The following ARHGAP8 variants were observed in gnomAD, a reference collection of about 807,000 sequenced individuals.
ARHGAP8 encodes Rho GTPase activating protein 8.
Under a neutral mutation model 46.1 loss-of-function variants are expected in ARHGAP8, and 62 were observed. The ratio of observed to expected loss-of-function variants is 1.34; its 90% CI spans 1.10 to 1.66. ARHGAP8 has a LOEUF of 1.66. Among genes scored for constraint, ARHGAP8 ranks in the 40% most tolerant of loss-of-function variants. The probability of loss-of-function intolerance (pLI) is 0.00; values close to 1 mark genes in which losing one functional copy is unlikely to be tolerated. For synonymous variants in ARHGAP8, 375 were observed against 243.1 expected, an observed-to-expected ratio of 1.54 and a Z score of -5.05; for missense variants, 923 against 568.4, an observed-to-expected ratio of 1.62 and a Z score of -6.34.
At chr22:44,787,042 A>AAAAAAAG (rs1927305412) in intron 2 of ARHGAP8, among the ~76,000 whole-genome samples, 1 of 145,442 alleles carries the variant, frequency 6.9e-6, no homozygotes, top group Non-Finnish European at 1.5e-5. Flanking sequence ...AAAAACAAAA[A>AAAAAAAG]AAAAAAAAAG....
chr22:44,776,564 T>C (rs1346537480), intron 1 of ARHGAP8, among the ~76,000 whole-genome samples: 1 of 152,164 alleles, frequency 6.6e-6, no homozygotes, highest in Non-Finnish European at 1.5e-5. Context: ...CCACCTGCCT[T>C]GTTTGAGAGT....
At chr22:44,815,364 T>G (rs1602216531) in intron 5 of ARHGAP8, among the ~76,000 whole-genome samples, 1 of 151,400 alleles carries the variant, frequency 6.6e-6, no homozygotes, top group African/African-American at 2.5e-5. Flanking sequence ...AGCCACTCGG[T>G]CTCCAGCCCC....
intron 10 of ARHGAP8, among the ~76,000 whole-genome samples, chr22:44,859,398 C>T (rs190772617): frequency 1.4e-3 from 216 of 151,820 alleles, no homozygotes; most frequent in African/African-American, 5.0e-3. Flanking sequence ...TGATGCACCT[C>T]CTTCCTTTTT....
chr22:44,779,880 T>G (rs1293581599), intron 1 of ARHGAP8, among the ~76,000 whole-genome samples: 1 of 152,156 alleles, frequency 6.6e-6, no homozygotes, highest in Non-Finnish European at 1.5e-5. Flanking sequence ...TTTCTTCATT[T>G]TAGACAAAAC....
intron 11 of ARHGAP8, among the ~76,000 whole-genome samples, chr22:44,861,574 G>C (rs1455945685): frequency 4.6e-5 from 7 of 152,166 alleles, no homozygotes; most frequent in Non-Finnish European, 8.8e-5. Context: ...CTCTGCCCTG[G>C]TACTCACCGC....
intron 5 of ARHGAP8, among the ~76,000 whole-genome samples, chr22:44,821,026 A>G (rs1399735481): frequency 6.6e-6 from 1 of 152,204 alleles, no homozygotes; most frequent in African/African-American, 2.4e-5. Flanking sequence ...ATACATGAAT[A>G]CTTATTTCAA....
chr22:44,785,848 C>A (rs1246420928), intron 1 of ARHGAP8, among the ~76,000 whole-genome samples: 2 of 152,192 alleles, frequency 1.3e-5, no homozygotes, highest in Non-Finnish European at 2.9e-5. Context: ...TCAACCCCAG[C>A]CCACCTTGGT....
rs564328035 is a variant in ARHGAP8, at chr22:44,848,807, C to T, written c.749-125C>T. On this transcript the variant is annotated intron_variant, in intron 9 of 11. Coordinates refer to ENST00000356099, the MANE Select transcript of ARHGAP8 (RefSeq NM_181335.3). ...GGTGGGGACAGCATCATCCCTAGGA[C>T]ACATGGCTCCAGCATCAGGTGCGTC... 3.9e-5 allele frequency: 60 copies of T among 1,528,222 alleles called. No homozygotes were observed. The African/African-American group carries it at 7.1e-4, about 18-fold the overall frequency. The allele number at this position is 1,528,222 out of a possible 1,614,324, so 94.7% of individuals were successfully genotyped here. A position where few individuals can be genotyped will look rare whatever the true frequency, so the allele number is the denominator to read the frequency against.
chr22:44,773,682 A>G (rs937490926), intron 1 of ARHGAP8, among the ~76,000 whole-genome samples: 8 of 152,244 alleles, frequency 5.3e-5, no homozygotes, highest in Admixed American at 3.3e-4. Context: ...TCCCAGACTC[A>G]AGTGATTCTC....
chr22:44,794,507 G>A (rs971072839), intron 2 of ARHGAP8, among the ~76,000 whole-genome samples: 44 of 152,058 alleles, frequency 2.9e-4, no homozygotes, highest in African/African-American at 1.0e-3. Flanking sequence ...TCAGGAGTTC[G>A]AGACCAGCCT....
intron 10 of ARHGAP8, among the ~76,000 whole-genome samples, chr22:44,859,280 A>C (rs868297237): frequency 4.6e-5 from 7 of 152,156 alleles, no homozygotes; most frequent in Non-Finnish European, 8.8e-5. Flanking sequence ...ATGAGGGCAG[A>C]TACCTCATGG....
rs916581702 is a variant in ARHGAP8 at position 44,862,690 on chromosome 22, A to G, written c.*95A>G. On this transcript the variant is annotated 3_prime_UTR_variant, in exon 12 of 12. Coordinates refer to ENST00000356099, the MANE Select transcript of ARHGAP8 (RefSeq NM_181335.3). ...TTGGCATCTGTAAAAATAACCAGCCATTAGATGAATTCAGAACCTTCTAAT... is the reference window on the plus strand; with the variant it reads ...TTGGCATCTGTAAAAATAACCAGCCGTTAGATGAATTCAGAACCTTCTAAT... 10 of 1,401,714 alleles carry G rather than the reference A, an allele frequency of 7.1e-6. No homozygotes were observed. The highest frequency in any genetic ancestry group is 2.9e-5 in the African/African-American group (2 of 69,276). The allele number at this position is 1,401,714 out of a possible 1,614,324, so 86.8% of individuals were successfully genotyped here.
At chr22:44,860,878 C>G (rs1206167391) in intron 11 of ARHGAP8, among the ~76,000 whole-genome samples, 1 of 152,162 alleles carries the variant, frequency 6.6e-6, no homozygotes, top group Non-Finnish European at 1.5e-5. Flanking sequence ...GTGAGGAGAG[C>G]CTGAGCAGAG....
intron 11 of ARHGAP8, among the ~76,000 whole-genome samples, chr22:44,861,811 G>A (rs1028737387): frequency 6.6e-6 from 1 of 152,164 alleles, no homozygotes; most frequent in Non-Finnish European, 1.5e-5. Context: ...TGGCGGAGAT[G>A]GACAAGGAGC....
chr22:44,759,973 G>A (rs1182350156), intron 1 of ARHGAP8, among the ~76,000 whole-genome samples: 1 of 152,192 alleles, frequency 6.6e-6, no homozygotes, highest in Non-Finnish European at 1.5e-5. Flanking sequence ...CCTGAGTCTT[G>A]ACCCACAGGA....
intron 4 of ARHGAP8, chr22:44,808,992 AT>A (rs113395729): frequency 4.9e-4 from 197 of 403,342 alleles, no homozygotes; most frequent in Middle Eastern, 1.6e-3. Flanking sequence ...TAATTTTTGT[AT>A]TTTTTTTTGT....
rs756742080 is a variant in ARHGAP8, at chr22:44,825,494, A to C, written c.497A>C (p.Lys166Thr). 1.9e-6 allele frequency: 3 copies of C among 1,613,024 alleles called. No homozygotes were observed. In the South Asian group the frequency reaches 3.3e-5, roughly 18 times the overall value. The part of the protein sequence containing the change: ...IPPEVLRYDE[K>T]LQSLHEGRTP... The stretch of plus-strand genomic sequence containing the variant: ...TGTTGTGTCTACAGGTACGATGAGA[A>C]GCTCCAGAGCCTGCACGAGGGCCGG... The change falls in exon 7 of 12, where the codon AAG (lysine) becomes ACG (threonine). Residue 166 changes from lysine (K) to threonine (T), a missense_variant. Physicochemically the swap from Lys to Thr is moderately conservative, Grantham distance 78 (BLOSUM62 -1). Coordinates refer to ENST00000356099, the MANE Select transcript of ARHGAP8 (RefSeq NM_181335.3).
intron 7 of ARHGAP8, among the ~76,000 whole-genome samples, chr22:44,835,099 C>G (rs534007033): frequency 6.6e-6 from 1 of 152,152 alleles, no homozygotes; most frequent in South Asian, 2.1e-4. Flanking sequence ...AGTGTGATTA[C>G]TGGAGTTACA....
chr22:44,806,536 C>T (rs1211275672), intron 3 of ARHGAP8, among the ~76,000 whole-genome samples: 1 of 152,140 alleles, frequency 6.6e-6, no homozygotes, highest in Non-Finnish European at 1.5e-5. Flanking sequence ...TCTCAGTTGA[C>T]TTGTCTATAA....
Sources: gnomAD v4.1 joint callset for allele counts (sites outside exome capture counted in the v4.1 genomes callset) on GRCh38, gnomAD v4.1.1 for gene constraint, MANE v1.5 for transcripts, NCBI Gene and HGNC (gene_info 2026-07-23, HGNC 2026-07-21) for gene names.